DENND5B: variants seen among roughly 807,000 people sequenced by gnomAD.
DENND5B encodes DENN domain-containing protein 5B.
A neutral mutation model predicts 140.6 loss-of-function variants in DENND5B; 34 were observed. The observed-to-expected ratio is 0.24, with a 90% CI of 0.18 to 0.32. DENND5B has a LOEUF of 0.32. Among genes scored for constraint, DENND5B ranks in the 10% least tolerant of loss-of-function variants. The probability of loss-of-function intolerance (pLI) is 1.00; values close to 1 mark genes in which losing one functional copy is unlikely to be tolerated. For missense variants in DENND5B, 1,142 were observed against 1,560.2 expected (o/e 0.73, Z 4.52); for synonymous variants, 551 against 562.1 (o/e 0.98, Z 0.28).
At chr12:31,477,882 A>C (rs1408059624) in intron 3 of DENND5B, 1 of 226,072 alleles carries the variant, frequency 4.4e-6, no homozygotes, top group African/African-American at 2.3e-5. Context: ...AGTTGCCACA[A>C]GGATTTCCAA....
intron 3 of DENND5B, among the ~76,000 whole-genome samples, chr12:31,466,859 C>T (rs982699679): frequency 2.0e-5 from 3 of 152,014 alleles, no homozygotes; most frequent in African/African-American, 7.2e-5. Flanking sequence ...ACAAGCAGAA[C>T]AAATAAAGCC....
At chr12:31,460,473 T>A in intron 3 of DENND5B, 92 bp from the exon 4 acceptor site, 7 of 1,261,258 alleles carry the variant, frequency 5.6e-6, no homozygotes, top group Non-Finnish European at 7.6e-6. Context: ...AAGAAAAAAA[T>A]TTCTGCGTTA....
intron 1 of DENND5B, among the ~76,000 whole-genome samples, chr12:31,540,581 G>A (rs572800467): frequency 6.6e-6 from 1 of 152,048 alleles, no homozygotes; most frequent in African/African-American, 2.4e-5. Flanking sequence ...TTGAACCTGG[G>A]AGGCAGAGGT....
chr12:31,433,091 T>C, intron 8 of DENND5B, 64 bp downstream of exon 8: 1 of 1,327,710 alleles, frequency 7.5e-7, no homozygotes, highest in South Asian at 1.2e-5. Flanking sequence ...TGACATCTGC[T>C]GGAAGGAATA....
At chr12:31,569,676 G>A (rs993886834) in intron 1 of DENND5B, among the ~76,000 whole-genome samples, 3 of 152,112 alleles carry the variant, frequency 2.0e-5, no homozygotes, top group African/African-American at 7.2e-5. Flanking sequence ...GCCGAGTATG[G>A]TGGTACATGC....
At chr12:31,459,271 G>T (rs1398267518) in intron 4 of DENND5B, among the ~76,000 whole-genome samples, 1 of 151,952 alleles carries the variant, frequency 6.6e-6, no homozygotes, top group Non-Finnish European at 1.5e-5. Context: ...TTATAGATCA[G>T]AAATATGCTT....
At chr12:31,517,901 T>A (rs542439271) in intron 1 of DENND5B, among the ~76,000 whole-genome samples, 1 of 152,332 alleles carries the variant, frequency 6.6e-6, no homozygotes, top group African/African-American at 2.4e-5. Flanking sequence ...TGCCTCACAC[T>A]AACCCTTCCT....
chr12:31,398,410 G>A (rs1408534502), intron 16 of DENND5B, 48 bp from the exon 17 acceptor site: 4 of 1,501,482 alleles, frequency 2.7e-6, no homozygotes, highest in Non-Finnish European at 3.6e-6. Flanking sequence ...TTTTGAGACA[G>A]GGTTCCCGCT....
rs867442665 is a variant in DENND5B, at chr12:31,591,043, G to T, written c.-211C>A. 61 of 307,606 alleles carry T rather than the reference G, an allele frequency of 2.0e-4. 1 individual carries two copies. In the East Asian group the frequency reaches 8.7e-3, roughly 44 times the overall value. The allele number at this position is 307,606 out of a possible 1,614,324, so 19.1% of individuals were successfully genotyped here. ...CGGGCTCGCGCGCGGCGGGTCCGGA[G>T]CCCGGCCGGGTGGGGGAGGGGCGCG... On this transcript the variant is annotated 5_prime_UTR_variant, in exon 1 of 21. Transcript: ENST00000389082.
At chr12:31,590,647 C>T in intron 1 of DENND5B, 59 bp downstream of exon 1, 1 of 1,398,748 alleles carries the variant, frequency 7.1e-7, no homozygotes, top group East Asian at 3.1e-5. Context: ...TCCCGCGCGT[C>T]CCCACAGCGT....
At chr12:31,452,692 C>T (rs1944589286) in intron 4 of DENND5B, among the ~76,000 whole-genome samples, 1 of 152,106 alleles carries the variant, frequency 6.6e-6, no homozygotes, top group Non-Finnish European at 1.5e-5. Context: ...CCAACTATTA[C>T]AAACAAAAGC....
intron 1 of DENND5B, among the ~76,000 whole-genome samples, chr12:31,540,525 C>T (rs961728058): frequency 6.6e-6 from 1 of 151,732 alleles, no homozygotes; most frequent in African/African-American, 2.4e-5. Flanking sequence ...GAGGTGGCGA[C>T]TACCTGTAAT....
At chr12:31,542,401 A>C (rs1948711328) in intron 1 of DENND5B, among the ~76,000 whole-genome samples, 1 of 152,192 alleles carries the variant, frequency 6.6e-6, no homozygotes, top group African/African-American at 2.4e-5. Context: ...GGGAATGGTT[A>C]ATGGGCACAA....
chr12:31,534,228 C>T (rs973943423), intron 1 of DENND5B, among the ~76,000 whole-genome samples: 5 of 151,922 alleles, frequency 3.3e-5, no homozygotes, highest in African/African-American at 9.7e-5. Context: ...GGTGCGATCT[C>T]GGCTTACTGC....
intron 3 of DENND5B, among the ~76,000 whole-genome samples, chr12:31,471,335 G>A (rs974328367): frequency 1.3e-5 from 2 of 152,128 alleles, no homozygotes; most frequent in Non-Finnish European, 2.9e-5. Context: ...TTGTGTTTGA[G>A]AAGGAGTCTC....
intron 1 of DENND5B, among the ~76,000 whole-genome samples, chr12:31,570,989 C>T (rs1487291468): frequency 2.6e-5 from 4 of 152,094 alleles, no homozygotes; most frequent in Non-Finnish European, 5.9e-5. Context: ...TCCCTGTTAT[C>T]ATTCTGCTGC....
chr12:31,500,438 G>A (rs567310106), intron 1 of DENND5B: 22 of 446,898 alleles, frequency 4.9e-5, no homozygotes, highest in African/African-American at 2.4e-4. Context: ...TCAGCACTTC[G>A]GGAGGCCGAG....
chr12:31,452,515 G>C lies in DENND5B; in HGVS notation c.1093-39C>G, dbSNP rs546541883. 18 of 1,540,202 alleles carry C rather than the reference G, an allele frequency of 1.2e-5. No homozygotes were observed. The African/African-American group carries it at 2.3e-4, about 20-fold the overall frequency. ...ATGAAATACAAAGGTTTAAAATAAAGGAATTGTATGTGCTAACATATTCTT... is the reference window on the plus strand; with the variant it reads ...ATGAAATACAAAGGTTTAAAATAAACGAATTGTATGTGCTAACATATTCTT... On this transcript the variant is annotated intron_variant, in intron 4 of 20. Transcript: ENST00000389082.
chr12:31,512,578 G>A (rs1319939967), intron 1 of DENND5B, among the ~76,000 whole-genome samples: 1 of 151,694 alleles, frequency 6.6e-6, no homozygotes, highest in Non-Finnish European at 1.5e-5. Flanking sequence ...GTGTTGGTTT[G>A]TAAATTAAAA....
Sources: allele counts gnomAD v4.1 joint callset (sites outside exome capture counted in the v4.1 genomes callset), GRCh38; gene constraint gnomAD v4.1.1; transcripts MANE v1.5; gene names NCBI Gene and HGNC (gene_info 2026-07-23, HGNC 2026-07-21).